LRRC37A2: variants seen among roughly 807,000 people sequenced by gnomAD.
LRRC37A2 encodes leucine-rich repeat-containing protein 37A2.
A neutral mutation model predicts 68.8 loss-of-function variants in LRRC37A2; 9 were observed. The observed-to-expected ratio is 0.13, with a 90% CI of 0.08 to 0.23. LRRC37A2 has a LOEUF of 0.23. LRRC37A2 is among the 10% of genes least tolerant of loss of function. The pLI, the probability that LRRC37A2 is intolerant of heterozygous loss-of-function variation, is 1.00. For missense variants in LRRC37A2, 168 were observed against 950.4 expected (o/e 0.18, Z 10.82); for synonymous variants, 63 against 367.6 (o/e 0.17, Z 9.48).
At chr17:46,837,044 G>A in the LRRC37A2 span, among the ~76,000 whole-genome samples, 2 of 152,100 alleles carry the variant, frequency 1.3e-5, no homozygotes, top group African/African-American at 4.8e-5. Context: ...CCAGGTTCAA[G>A]CAATTCTCCT....
At chr17:46,833,449 TA>T in the LRRC37A2 span, 1 of 511,010 alleles carries the variant, frequency 2.0e-6, no homozygotes, top group South Asian at 1.4e-5. Flanking sequence ...AGGTGAGTGT[TA>T]GGGAGGAAGG....
chr17:46,979,808 CACAA>C, the LRRC37A2 span, among the ~76,000 whole-genome samples: 1 of 147,256 alleles, frequency 6.8e-6, no homozygotes, highest in Non-Finnish European at 1.5e-5. Flanking sequence ...TTCTTTTTTA[CACAA>C]ACATAGTCAT....
chr17:46,858,978 C>CTTT, the LRRC37A2 span, among the ~76,000 whole-genome samples: 2,173 of 134,166 alleles, frequency 0.016, 62 homozygotes, highest in African/African-American at 0.057. Flanking sequence ...ATAATTTTAG[C>CTTT]TTTTTTTTTT....
the LRRC37A2 span, among the ~76,000 whole-genome samples, chr17:46,695,213 T>C: frequency 7.5e-6 from 1 of 133,038 alleles, no homozygotes; most frequent in South Asian, 2.7e-4. Context: ...GCCACTGCAC[T>C]CCAGCCTGGG....
the LRRC37A2 span, among the ~76,000 whole-genome samples, chr17:47,002,162 T>A: frequency 6.6e-6 from 1 of 152,190 alleles, no homozygotes; most frequent in Non-Finnish European, 1.5e-5. Context: ...TTGAGATGTA[T>A]CCATGTTGCT....
At chr17:46,553,327 A>C in intron 11 of LRRC37A2, 73 bp from the exon 11 acceptor site, 1 of 1,606,446 alleles carries the variant, frequency 6.2e-7, no homozygotes, top group South Asian at 1.1e-5. Flanking sequence ...TAATGAATAA[A>C]AGGAATCAAT....
At chr17:46,491,687 T>C in the LRRC37A2 span, among the ~76,000 whole-genome samples, 456 of 132,004 alleles carry the variant, frequency 3.5e-3, no homozygotes, top group Middle Eastern at 0.026. Context: ...TGGTTAACTG[T>C]TGGTTTGAGA....
At chr17:46,518,403 C>CA (rs1162886692) in intron 3 of LRRC37A2, among the ~76,000 whole-genome samples, 1 of 116,178 alleles carries the variant, frequency 8.6e-6, no homozygotes, top group Non-Finnish European at 1.7e-5. Flanking sequence ...AATCCCTGTA[C>CA]ATGCTTCTTT....
At chr17:46,812,234 C>T in the LRRC37A2 span, among the ~76,000 whole-genome samples, 1 of 152,166 alleles carries the variant, frequency 6.6e-6, no homozygotes, top group African/African-American at 2.4e-5. Flanking sequence ...AAAGAAGGAC[C>T]CTGCTTAGAG....
At chr17:46,831,885 G>A in the LRRC37A2 span, among the ~76,000 whole-genome samples, 8 of 152,376 alleles carry the variant, frequency 5.3e-5, no homozygotes, top group East Asian at 5.8e-4. Flanking sequence ...CTGCTTCCCC[G>A]TGATCCCTGA....
chr17:47,033,345 G>A, the LRRC37A2 span: 5 of 699,716 alleles, frequency 7.1e-6, no homozygotes, highest in Non-Finnish European at 1.0e-5. Flanking sequence ...GTCTTGTATG[G>A]AGGAGCTTGG....
chr17:47,000,706 T>A, the LRRC37A2 span, among the ~76,000 whole-genome samples: 2 of 152,174 alleles, frequency 1.3e-5, no homozygotes, highest in Non-Finnish European at 2.9e-5. Context: ...CAGCATCTGA[T>A]GATACAACTT....
the LRRC37A2 span, among the ~76,000 whole-genome samples, chr17:46,759,384 C>G: frequency 2.6e-5 from 4 of 152,170 alleles, no homozygotes; most frequent in Admixed American, 1.3e-4. Flanking sequence ...CATAAAGATG[C>G]GGGAGATAGC....
At chr17:46,886,501 C>CAA in the LRRC37A2 span, 2 of 152,070 alleles carry the variant, frequency 1.3e-5, no homozygotes, top group African/African-American at 2.4e-5. Flanking sequence ...AAAGTGGTAA[C>CAA]AAATAGCTGA....
the LRRC37A2 span, among the ~76,000 whole-genome samples, chr17:46,946,263 C>T: frequency 1.7e-4 from 24 of 144,522 alleles, no homozygotes; most frequent in African/African-American, 5.7e-4. Context: ...TGGAGAAACC[C>T]TGTCTCTACT....
the LRRC37A2 span, chr17:46,818,448 GC>G: frequency 1.3e-6 from 2 of 1,502,102 alleles, no homozygotes; most frequent in South Asian, 2.4e-5. Context: ...CCCACCCCCA[GC>G]CGGCGCCCCC....
the LRRC37A2 span, chr17:46,936,558 A>G: frequency 2.0e-6 from 2 of 985,386 alleles, no homozygotes; most frequent in African/African-American, 1.7e-5. Flanking sequence ...CACCTACACC[A>G]TTCAAAAGGA....
chr17:46,494,787 G>A, the LRRC37A2 span, among the ~76,000 whole-genome samples: 3 of 151,148 alleles, frequency 2.0e-5, no homozygotes, highest in East Asian at 5.8e-4. Flanking sequence ...GTTAATTAGG[G>A]TATCCATCAT....
At chr17:46,769,962 T>G in the LRRC37A2 span, 1 of 1,612,834 alleles carries the variant, frequency 6.2e-7, no homozygotes, top group Non-Finnish European at 8.5e-7. Flanking sequence ...CCGCAAATGG[T>G]GGAGGTGCCC....
Sources: gnomAD v4.1 joint callset for allele counts (sites outside exome capture counted in the v4.1 genomes callset) on GRCh38, gnomAD v4.1.1 for gene constraint, MANE v1.5 for transcripts, NCBI Gene and HGNC (gene_info 2026-07-23, HGNC 2026-07-21) for gene names.